MGAM: variants seen among roughly 807,000 people sequenced by gnomAD.
MGAM encodes maltase-glucoamylase.
A neutral mutation model predicts 358.8 loss-of-function variants in MGAM; 253 were observed. The observed-to-expected ratio is 0.71, with a 90% CI of 0.64 to 0.78. The LOEUF (loss-of-function observed/expected upper bound fraction) is 0.78. MGAM is among the 30% of genes least tolerant of loss of function. MGAM has a pLI of 0.00. For synonymous variants in MGAM, 1,105 were observed against 1,227.1 expected (o/e 0.90, Z 2.08); for missense variants, 3,080 against 3,432.6 (o/e 0.90, Z 2.57).
Position 142,044,361 on chromosome 7 carries a change from T to G in MGAM, c.2499-3424T>G, listed in dbSNP as rs117216863. 6.1e-3 allele frequency among the ~76,000 whole-genome samples: 519 copies of G among 85,278 alleles called. 3 individuals carry two copies. Among genetic ancestry groups the G allele is most frequent in the Non-Finnish European group, 0.011 (350 of 30,848 alleles). 55.9% of individuals were successfully genotyped at this position (85,278 alleles called of 152,430 possible). On this transcript the variant is annotated intron_variant, in intron 21 of 70. Coordinates refer to ENST00000475668, the MANE Select transcript of MGAM (RefSeq NM_001365693.1). Reference sequence around the variant, plus strand: ...ATATATATATAATATACACATACGATATATGATATATAATGAATATTATAT... The same window carrying G: ...ATATATATATAATATACACATACGAGATATGATATATAATGAATATTATAT...
chr7:142,052,485 C>A lies in MGAM; in HGVS notation c.2958+39C>A, dbSNP rs1197414678. The A allele has an allele frequency of 5.6e-6, 9 of 1,607,956 alleles. No individual in the cohort carries two copies. In the East Asian group the frequency reaches 2.0e-4, roughly 36 times the overall value. ...TGGGGTTTGTGTGCATGAGAATCTC[C>A]ACACCTAATCTGTAGTTTCTTAAGC... On this transcript the variant is annotated intron_variant, in intron 25 of 70. Transcript: ENST00000475668.
In MGAM at chr7:142,067,431, T is replaced by A; in HGVS notation, c.5004+6T>A. ...TCAGCCCTGTCCTGGAGCGCGTGAG[T>A]ATGGAGGCCTCCGATGAGGGGAGGA... On this transcript the variant is annotated splice_donor_region_variant and intron_variant, in intron 42 of 70. Coordinates refer to ENST00000475668, the MANE Select transcript of MGAM (RefSeq NM_001365693.1). 6.5e-7 allele frequency: 1 copy of A among 1,548,726 alleles called. No individual in the cohort carries two copies. The highest frequency in any genetic ancestry group is 8.9e-7 in the Non-Finnish European group (1 of 1,127,398).
chr7:142,058,083 C>G (rs1320570714), intron 30 of MGAM, 120 bp from the exon 31 acceptor site: 19 of 1,499,244 alleles, frequency 1.3e-5, no homozygotes, highest in South Asian at 7.7e-5. Flanking sequence ...CAGTTTTGGT[C>G]TGGATTTCAA....
In MGAM at chr7:142,052,870, C is replaced by T; in HGVS notation, c.3045C>T (p.Ala1015=). 6.2e-7 allele frequency: 1 copy of T among 1,613,890 alleles called. No homozygotes were observed. The highest frequency in any genetic ancestry group is 1.1e-5 in the South Asian group (1 of 91,070). The change falls in exon 26 of 71, where the codon GCC becomes GCT. Residue 1015 remains alanine (A), a synonymous_variant. Coordinates refer to ENST00000475668, the MANE Select transcript of MGAM (RefSeq NM_001365693.1). Reference sequence around the variant, plus strand: ...ATGTTCAGTATAATTCCCATGGGGCCACAGCTGACATCTCCTTAAAGTCTT... The same window carrying T: ...ATGTTCAGTATAATTCCCATGGGGCTACAGCTGACATCTCCTTAAAGTCTT... The part of the protein sequence containing the change: ...VSDVQYNSHG[A]TADISLKSSV...
rs1379444864 is a variant in MGAM, at chr7:142,054,754, A to G, written c.3160A>G (p.Ile1054Val). The G allele has an allele frequency of 1.1e-5, 18 of 1,613,656 alleles. No individual in the cohort carries two copies. The highest frequency in any genetic ancestry group is 1.4e-5 in the Non-Finnish European group (17 of 1,179,750). ...YHKNEMLQFK[I>V]YDPNKNRYEV... ...CTAAAATTGATTTCCTCTGGCCTAG[A>G]TTTATGATCCCAACAAGAATCGGTA... Residue 1054 changes from isoleucine (I) to valine (V), a missense_variant and splice_region_variant, in exon 27 of 71, where the codon ATT becomes GTT. This residue lies in a region of MGAM where 1,816 missense variants were observed against 1,840.5 expected (regional missense o/e 0.99). Transcript: ENST00000475668.
chr7:142,041,941 TATATATACATATATATAA>T, intron 21 of MGAM, among the ~76,000 whole-genome samples: 1 of 15,340 alleles, frequency 6.5e-5, no homozygotes. Flanking sequence ...ATATATATTA[TATATATACATATATATAA>T]TATATATATA....
At chr7:142,034,626 A>G in intron 15 of MGAM, 44 bp from the exon 16 acceptor site, 1 of 1,570,490 alleles carries the variant, frequency 6.4e-7, no homozygotes, top group African/African-American at 1.4e-5. Context: ...GGCTGAGACA[A>G]GCTAAGATCC....
Position 142,080,886 on chromosome 7 carries a change from C to G in MGAM, c.5943C>G (p.Val1981=), listed in dbSNP as rs147255580. Residue 1981 remains valine (V), a synonymous_variant, in exon 50 of 71, where the codon GTC becomes GTG. Coordinates refer to ENST00000475668, the MANE Select transcript of MGAM (RefSeq NM_001365693.1). The part of the protein sequence containing the change: ...SSTPEGQLYD[V]LIKKNPFGIE... The stretch of plus-strand genomic sequence containing the variant: ...CCCCTGAGGGTCAACTCTATGATGT[C>G]CTCATTAAGAAGAATCCATTTGGGA... 3.0e-3 allele frequency: 4,700 copies of G among 1,556,040 alleles called. 684 individuals are homozygous for G. In the East Asian group the frequency reaches 0.055, roughly 18 times the overall value.
chr7:142,053,718 A>T (rs1187916516), intron 26 of MGAM, among the ~76,000 whole-genome samples: 1 of 152,180 alleles, frequency 6.6e-6, no homozygotes, highest in Non-Finnish European at 1.5e-5. Flanking sequence ...TGTTATTGAC[A>T]GAGTAAGTGA....
At chr7:142,055,018 G>T in intron 27 of MGAM, 110 bp downstream of exon 27, 2 of 1,177,934 alleles carry the variant, frequency 1.7e-6, no homozygotes, top group Non-Finnish European at 2.4e-6. Flanking sequence ...TCCACTTCCA[G>T]ATCCATGGAT....
At position 142,093,549 on chromosome 7, in the gene MGAM, G is replaced by A. The variant is rs758979765; in HGVS notation, c.7171G>A (p.Glu2391Lys). The change falls in exon 60 of 71, where the codon GAA (glutamate) becomes AAA (lysine). Residue 2391 changes from glutamate (E) to lysine (K), a missense_variant and splice_region_variant. Glu to Lys is a moderately conservative substitution (Grantham distance 56, BLOSUM62 1). This residue lies in a region of MGAM where 932 missense variants were observed against 1,198.2 expected (regional missense o/e 0.78). Coordinates refer to ENST00000475668, the MANE Select transcript of MGAM (RefSeq NM_001365693.1). The part of the protein sequence containing the change: ...YGWSQTRPTY[E>K]AVQEVTGQRG... Reference sequence around the variant, plus strand: ...GTGGTCCCAGACCAGACCCACATACGAGTGAGTCTCTGTCTCCCTTCTCCA... The same window carrying A: ...GTGGTCCCAGACCAGACCCACATACAAGTGAGTCTCTGTCTCCCTTCTCCA... 7.3e-6 allele frequency: 11 copies of A among 1,498,460 alleles called. No homozygotes were observed. Among genetic ancestry groups the A allele is most frequent in the Non-Finnish European group, 9.1e-6 (10 of 1,102,912 alleles). The allele number at this position is 1,498,460 out of a possible 1,614,324, so 92.8% of individuals were successfully genotyped here. A position where few individuals can be genotyped will look rare whatever the true frequency, so the allele number is the denominator to read the frequency against.
chr7:142,078,187 T>C lies in MGAM; in HGVS notation c.5494-131T>C, dbSNP rs1405160185. ...TCTTCTTATAAGCTAAAGTGATATG[T>C]TGCTTGGATGGTTGAAAGTCTGGAC... On this transcript the variant is annotated intron_variant, in intron 47 of 70. Transcript: ENST00000475668. 4.0e-6 allele frequency: 3 copies of C among 745,050 alleles called. 1 individual carries two copies. Among genetic ancestry groups the C allele is most frequent in the Non-Finnish European group, 6.1e-6 (3 of 488,824 alleles). The allele number at this position is 745,050 out of a possible 1,614,324, so 46.2% of individuals were successfully genotyped here.
intron 44 of MGAM, 78 bp downstream of exon 44, chr7:142,071,196 C>T (rs1813320333): frequency 7.0e-7 from 1 of 1,431,650 alleles, no homozygotes; most frequent in Non-Finnish European, 9.5e-7. Context: ...AAAATGTAAG[C>T]ATCACTTTCA....
rs780367985 is a variant in MGAM, at chr7:142,065,829, A to G, written c.4768A>G (p.Arg1590Gly). The change falls in exon 40 of 71, where the codon AGG becomes GGG. Residue 1590 changes from arginine to glycine, a missense_variant and splice_region_variant. Around this residue, in one of 5 missense-constraint regions of MGAM, gnomAD observed 134 missense variants for 198.4 expected, o/e 0.68. Coordinates refer to ENST00000475668, the MANE Select transcript of MGAM (RefSeq NM_001365693.1). ...FSRNHNTIGTRRQDPVSWDAA... is the reference protein window; with the variant it reads ...FSRNHNTIGTGRQDPVSWDAA... ...AAGAAACCACAATACCATTGGGACC[A>G]GGGTAGGACAGTGGCTTCTACCTCC... is the stretch of plus-strand genomic sequence containing the variant. The G allele has an allele frequency of 1.4e-5, 22 of 1,548,492 alleles. 1 individual carries two copies. The Admixed American group carries it at 3.8e-4, about 27-fold the overall frequency.
At chr7:142,029,650 A>T (rs1338972852) in intron 10 of MGAM, among the ~76,000 whole-genome samples, 1 of 152,224 alleles carries the variant, frequency 6.6e-6, no homozygotes, top group Non-Finnish European at 1.5e-5. Context: ...CATTTAAGTG[A>T]ATGAAAGGAT....
At chr7:142,027,532 G>T (rs2129000879) in intron 9 of MGAM, 78 bp from the exon 10 acceptor site, 1 of 1,467,694 alleles carries the variant, frequency 6.8e-7, no homozygotes. Context: ...TATGTTTGGT[G>T]CTCTGAAAGC....
upstream of MGAM, among the ~76,000 whole-genome samples, chr7:141,994,188 C>A (rs782694547): frequency 6.6e-6 from 1 of 152,168 alleles, no homozygotes; most frequent in Non-Finnish European, 1.5e-5. Context: ...AGAATTAATT[C>A]TAAGAGGGGT....
Position 142,081,955 on chromosome 7 carries a change from A to G in MGAM, c.6003-87A>G. On this transcript the variant is annotated intron_variant, in intron 50 of 70. Transcript: ENST00000475668. ...ATGAACAGCTTCTGGGTAGGAATCA[A>G]GTGTTCTGTTGTCCTTGAAAAGTCA... is the stretch of plus-strand genomic sequence containing the variant. The G allele has an allele frequency of 1.5e-6, 2 of 1,307,040 alleles. 1 individual carries two copies. The highest frequency in any genetic ancestry group is 2.2e-6 in the Non-Finnish European group (2 of 914,990). The allele number at this position is 1,307,040 out of a possible 1,614,324, so 81.0% of individuals were successfully genotyped here. A position where few individuals can be genotyped will look rare whatever the true frequency, so the allele number is the denominator to read the frequency against.
In MGAM at chr7:142,021,672, C is replaced by T. The variant is rs782129144; in HGVS notation, c.645C>T (p.Tyr215=). 8.7e-6 allele frequency: 14 copies of T among 1,613,826 alleles called. No individual in the cohort carries two copies. The Admixed American group carries it at 2.0e-4, about 23-fold the overall frequency. ...FSGNAAASLT[Y]QVEISRQPFS... ...GAAATGCTGCTGCTTCTTTGACCTA[C>T]CAAGTTGAAATCTCCAGACAGCCAT... is the stretch of plus-strand genomic sequence containing the variant. Residue 215 remains tyrosine, a synonymous_variant, in exon 6 of 71, where the codon TAC becomes TAT. Coordinates refer to ENST00000475668, the MANE Select transcript of MGAM (RefSeq NM_001365693.1).
Sources: allele counts gnomAD v4.1 joint callset (sites outside exome capture counted in the v4.1 genomes callset), GRCh38; gene constraint gnomAD v4.1.1; regional missense constraint gnomAD v4.1.1; transcripts MANE v1.5; gene names NCBI Gene and HGNC (gene_info 2026-07-23, HGNC 2026-07-21).